The following CHD6 variants were observed in gnomAD, a reference collection of about 807,000 sequenced individuals.
CHD6 encodes the protein chromodomain helicase DNA binding protein 6.
Under a neutral mutation model 276.9 loss-of-function variants are expected in CHD6, and 50 were observed. That is an observed-to-expected ratio of 0.18 (90% CI 0.14 to 0.23). The LOEUF (loss-of-function observed/expected upper bound fraction) is 0.23, where lower values mean the gene tolerates loss of function less well. Among genes scored for constraint, CHD6 ranks in the 10% least tolerant of loss-of-function variants. The pLI is 1.00. For missense variants in CHD6, 2,564 were observed against 3,365.8 expected (o/e 0.76, Z 5.89); for synonymous variants, 1,173 against 1,229.3 (o/e 0.95, Z 0.96).
chr20:41,414,727 T>C (rs1309898208), intron 34 of CHD6: 1 of 636,648 alleles, frequency 1.6e-6, no homozygotes, highest in African/African-American at 1.9e-5. Flanking sequence ...AGGAGCAAAG[T>C]GAGTCTCAGT....
Position 41,542,711 on chromosome 20 carries a change from A to C in CHD6, c.33+8594T>G, listed in dbSNP as rs993110873. On this transcript the variant is annotated intron_variant, in intron 2 of 36. Transcript: ENST00000373233. Reference sequence around the variant, plus strand: ...CCGTCTCAAAAAAAAAGAAAAAGAAAGACTGTATTCATGGATAAGGAATTG... The same window carrying C: ...CCGTCTCAAAAAAAAAGAAAAAGAACGACTGTATTCATGGATAAGGAATTG... Among the ~76,000 whole-genome samples, 3 of 151,920 alleles carry C rather than the reference A, an allele frequency of 2.0e-5. No individual in the cohort carries two copies. The East Asian group carries it at 5.8e-4, about 30-fold the overall frequency.
intron 2 of CHD6, among the ~76,000 whole-genome samples, chr20:41,542,021 TAGG>T (rs756401960): frequency 6.6e-6 from 1 of 152,152 alleles, no homozygotes; most frequent in Non-Finnish European, 1.5e-5. Flanking sequence ...AGGGAAGAAT[TAGG>T]AGGAGAGAGG....
chr20:41,609,663 A>G (rs2045864778), intron 1 of CHD6, among the ~76,000 whole-genome samples: 1 of 152,168 alleles, frequency 6.6e-6, no homozygotes, highest in Admixed American at 6.5e-5. Flanking sequence ...CACATAGGAC[A>G]CCCGTTACTG....
At chr20:41,611,159 A>T (rs929044326) in intron 1 of CHD6, among the ~76,000 whole-genome samples, 1 of 152,246 alleles carries the variant, frequency 6.6e-6, no homozygotes, top group African/African-American at 2.4e-5. Flanking sequence ...AAATAGATAA[A>T]TAACTATCAA....
At chr20:41,479,928 T>C (rs1367749184) in intron 16 of CHD6, among the ~76,000 whole-genome samples, 1 of 152,164 alleles carries the variant, frequency 6.6e-6, no homozygotes, top group Non-Finnish European at 1.5e-5. Context: ...CTAAGAATCC[T>C]ACAGGCTTCG....
chr20:41,402,993 AT>A lies in CHD6; in HGVS notation c.*1599del, dbSNP rs1358781627. 1.4e-5 allele frequency: 3 copies of A among 208,862 alleles called. No homozygotes were observed. 12.9% of individuals were successfully genotyped at this position (208,862 alleles called of 1,614,324 possible). On this transcript the variant is annotated 3_prime_UTR_variant, in exon 37 of 37. Coordinates refer to ENST00000373233, the MANE Select transcript of CHD6 (RefSeq NM_032221.5). The stretch of plus-strand genomic sequence containing the variant: ...CACTTTTTGAAGATACATCTGATTG[AT>A]TTTTTTCAGTCATGATTTAACAGAC...
At chr20:41,492,761 A>C (rs1170958591) in intron 10 of CHD6, among the ~76,000 whole-genome samples, 1 of 152,210 alleles carries the variant, frequency 6.6e-6, no homozygotes, top group Non-Finnish European at 1.5e-5. Flanking sequence ...TCTGCTAAAA[A>C]CATACAAAAA....
intron 1 of CHD6, among the ~76,000 whole-genome samples, chr20:41,586,474 A>T (rs2045596166): frequency 1.3e-5 from 2 of 152,198 alleles, no homozygotes; most frequent in African/African-American, 4.8e-5. Context: ...CTTCTAACAG[A>T]GCTATAGAAC....
At chr20:41,446,116 T>C (rs889253762) in intron 24 of CHD6, among the ~76,000 whole-genome samples, 1 of 152,190 alleles carries the variant, frequency 6.6e-6, no homozygotes, top group African/African-American at 2.4e-5. Flanking sequence ...GCCATTGATA[T>C]ATTGGACATC....
intron 19 of CHD6, among the ~76,000 whole-genome samples, 179 bp downstream of exon 19, chr20:41,455,621 C>G (rs2048356035): frequency 6.6e-6 from 1 of 152,210 alleles, no homozygotes. Context: ...GTCCCTGACT[C>G]CCTATTCAGA....
intron 2 of CHD6, among the ~76,000 whole-genome samples, chr20:41,542,875 C>T (rs181583797): frequency 7.6e-4 from 116 of 151,890 alleles, no homozygotes; most frequent in African/African-American, 2.5e-3. Flanking sequence ...GAGGCTGAGG[C>T]GGGTGGATCA....
intron 36 of CHD6, among the ~76,000 whole-genome samples, chr20:41,408,749 G>A (rs1054546960): frequency 3.3e-5 from 5 of 152,178 alleles, no homozygotes; most frequent in African/African-American, 9.7e-5. Flanking sequence ...GAGAGAGGGG[G>A]CATATTCCAC....
intron 3 of CHD6, among the ~76,000 whole-genome samples, chr20:41,517,137 G>A (rs1358788878): frequency 6.6e-6 from 1 of 152,092 alleles, no homozygotes; most frequent in East Asian, 1.9e-4. Context: ...CTACCTACCA[G>A]GAAAGTTCAT....
chr20:41,586,223 A>G (rs1056077295), intron 1 of CHD6, among the ~76,000 whole-genome samples: 5 of 152,168 alleles, frequency 3.3e-5, no homozygotes, highest in African/African-American at 1.2e-4. Context: ...GTTCCGGCTC[A>G]AGCTGAGCTT....
At chr20:41,614,298 C>T (rs1190536311) in intron 1 of CHD6, among the ~76,000 whole-genome samples, 1 of 152,132 alleles carries the variant, frequency 6.6e-6, no homozygotes, top group African/African-American at 2.4e-5. Context: ...TTTTCAAATA[C>T]TGTCTTAGTA....
intron 36 of CHD6, among the ~76,000 whole-genome samples, chr20:41,410,965 G>C (rs1461269653): frequency 1.3e-5 from 2 of 152,190 alleles, no homozygotes; most frequent in Non-Finnish European, 2.9e-5. Flanking sequence ...GGTGAGGAAA[G>C]ACAGAGGGGA....
intron 1 of CHD6, among the ~76,000 whole-genome samples, chr20:41,551,825 G>A (rs546124589): frequency 1.8e-4 from 28 of 152,134 alleles, no homozygotes; most frequent in African/African-American, 6.5e-4. Context: ...TCTCTCTAAG[G>A]AGTGAGACAG....
chr20:41,610,890 G>A (rs1308907729), intron 1 of CHD6, among the ~76,000 whole-genome samples: 1 of 152,182 alleles, frequency 6.6e-6, no homozygotes, highest in East Asian at 1.9e-4. Context: ...TCAGTAGTTT[G>A]TATTGAGAAC....
Position 41,410,110 on chromosome 20 carries a change from G to A in CHD6, c.7251+2034C>T, listed in dbSNP as rs116264615. Among the ~76,000 whole-genome samples the A allele has an allele frequency of 8.5e-3, 1,294 of 152,308 alleles. 19 individuals carry two copies. Among genetic ancestry groups the A allele is most frequent in the African/African-American group, 0.027 (1,140 of 41,572 alleles). ...CGAAGGAAGGGAGGAGGAGTTCCTT[G>A]TGAGATTTAAATCTATTTCTAAAAA... On this transcript the variant is annotated intron_variant, in intron 36 of 36. Transcript: ENST00000373233.
Sources: allele counts gnomAD v4.1 joint callset (sites outside exome capture counted in the v4.1 genomes callset), GRCh38; gene constraint gnomAD v4.1.1; transcripts MANE v1.5; gene names NCBI Gene and HGNC (gene_info 2026-07-23, HGNC 2026-07-21).